The following ARL6 variants were observed in gnomAD, a reference collection of about 807,000 sequenced individuals.
ARL6 encodes the protein ARF like GTPase 6.
In ARL6, 18 loss-of-function variants were observed where a neutral mutation model predicts 27.1. The observed-to-expected ratio is 0.66, with a 90% CI of 0.46 to 0.98. ARL6 has a LOEUF of 0.98. Ranked by LOEUF, ARL6 falls within the 50% of genes least tolerant of loss-of-function variation. ARL6 has a pLI of 0.00. For synonymous variants in ARL6, 65 were observed against 72.3 expected (o/e 0.90, Z 0.51); for missense variants, 187 against 214.9 (o/e 0.87, Z 0.81).
intron 2 of ARL6, among the ~76,000 whole-genome samples, chr3:97,768,738 A>G (rs1402819444): frequency 1.3e-5 from 2 of 152,102 alleles, no homozygotes; most frequent in Non-Finnish European, 2.9e-5. Context: ...AAGAAAGCCT[A>G]TCTAATAGGG....
chr3:97,774,988 G>A (rs570383884), intron 2 of ARL6, among the ~76,000 whole-genome samples: 2 of 152,246 alleles, frequency 1.3e-5, no homozygotes, highest in South Asian at 2.1e-4. Context: ...TACCGCTCAC[G>A]AGCAGTGAAT....
chr3:97,770,030 A>AT (rs1211930989), intron 2 of ARL6, among the ~76,000 whole-genome samples: 5 of 151,886 alleles, frequency 3.3e-5, no homozygotes, highest in African/African-American at 4.8e-5. Context: ...ATTGATTTCC[A>AT]TTTTTTTGGA....
At position 97,780,652 on chromosome 3, in the gene ARL6, A is replaced by G; in HGVS notation, c.223A>G (p.Arg75Gly). The G allele has an allele frequency of 1.2e-6, 2 of 1,613,414 alleles. No homozygotes were observed. Among genetic ancestry groups the G allele is most frequent in the South Asian group, 2.2e-5 (2 of 91,048 alleles). ...FTVFDMSGQG[R>G]YRNLWEHYYK... ...AGTGTTTGACATGTCAGGTCAAGGA[A>G]GATACAGAAATCTCTGGGAACACTA... is the stretch of plus-strand genomic sequence containing the variant. Residue 75 changes from arginine to glycine, a missense_variant, in exon 4 of 8, where the codon AGA (arginine) becomes GGA (glycine). Transcript: ENST00000463745.
At chr3:97,797,703 T>C (rs970309510) in intron 7 of ARL6, among the ~76,000 whole-genome samples, 3 of 152,164 alleles carry the variant, frequency 2.0e-5, no homozygotes, top group African/African-American at 7.2e-5. Flanking sequence ...ATAGAACTAG[T>C]TGACTCTATG....
intron 4 of ARL6, among the ~76,000 whole-genome samples, chr3:97,782,589 C>G (rs1485071862): frequency 6.6e-6 from 1 of 151,782 alleles, no homozygotes; most frequent in African/African-American, 2.4e-5. Context: ...TGAGCCACTC[C>G]TGTGAGAATG....
intron 7 of ARL6, among the ~76,000 whole-genome samples, chr3:97,796,059 G>C (rs777077518): frequency 1.3e-5 from 2 of 152,100 alleles, no homozygotes; most frequent in Non-Finnish European, 2.9e-5. Flanking sequence ...CTAAAAGGAA[G>C]ACCATATTTG....
chr3:97,787,921 T>C (rs1224220764), intron 5 of ARL6, 69 bp from the exon 6 acceptor site: 2 of 1,553,870 alleles, frequency 1.3e-6, no homozygotes, highest in Admixed American at 1.7e-5. Context: ...TGGGTTTCAG[T>C]ACTAAAGATT....
At chr3:97,793,282 G>A (rs1223462168) in intron 7 of ARL6, 5 of 152,168 alleles carry the variant, frequency 3.3e-5, no homozygotes, top group Non-Finnish European at 5.9e-5. Flanking sequence ...AGAACTACGG[G>A]ATTTTTCTGT....
At chr3:97,793,687 C>T (rs1189301517) in intron 7 of ARL6, among the ~76,000 whole-genome samples, 3 of 152,086 alleles carry the variant, frequency 2.0e-5, no homozygotes, top group Non-Finnish European at 4.4e-5. Context: ...TTGTTTCTTT[C>T]ACTTTTCTGA....
chr3:97,796,451 T>A (rs908128050), intron 7 of ARL6, among the ~76,000 whole-genome samples: 10 of 151,624 alleles, frequency 6.6e-5, no homozygotes, highest in African/African-American at 2.2e-4. Flanking sequence ...AGACAAAGAA[T>A]AGAAAATTTG....
At chr3:97,784,140 G>A (rs1000834651) in intron 4 of ARL6, among the ~76,000 whole-genome samples, 1 of 151,706 alleles carries the variant, frequency 6.6e-6, no homozygotes, top group African/African-American at 2.4e-5. Context: ...TAACCTAAAA[G>A]TCCAGCAACA....
chr3:97,779,714 A>C (rs544530850), intron 2 of ARL6, among the ~76,000 whole-genome samples: 5 of 152,104 alleles, frequency 3.3e-5, no homozygotes, highest in African/African-American at 1.2e-4. Flanking sequence ...AAAATACAAA[A>C]AATTAGCCAG....
intron 6 of ARL6, among the ~76,000 whole-genome samples, chr3:97,789,322 G>A (rs987645544): frequency 6.6e-6 from 1 of 152,120 alleles, no homozygotes; most frequent in Non-Finnish European, 1.5e-5. Flanking sequence ...TCTTGAGCTA[G>A]AGCCTTTATA....
intron 6 of ARL6, among the ~76,000 whole-genome samples, chr3:97,791,519 T>C (rs1478145751): frequency 4.6e-5 from 7 of 152,226 alleles, no homozygotes; most frequent in African/African-American, 1.7e-4. Context: ...GTTTTGTTAA[T>C]GTCAGTGTAA....
chr3:97,777,809 C>G (rs1008942790), intron 2 of ARL6, among the ~76,000 whole-genome samples: 4 of 152,146 alleles, frequency 2.6e-5, no homozygotes, highest in African/African-American at 9.7e-5. Context: ...TTGTTCTACC[C>G]TAATTAATTT....
chr3:97,765,211 G>GGTGGGTGT (rs2036316516), intron 1 of ARL6, among the ~76,000 whole-genome samples: 1 of 105,536 alleles, frequency 9.5e-6, no homozygotes, highest in African/African-American at 2.9e-5. Flanking sequence ...GTGTATTGGG[G>GGTGGGTGT]GTGTGTGTGT....
At chr3:97,779,664 A>G (rs928309532) in intron 2 of ARL6, among the ~76,000 whole-genome samples, 5 of 152,110 alleles carry the variant, frequency 3.3e-5, no homozygotes, top group African/African-American at 1.2e-4. Context: ...TAGGAGATCG[A>G]GACCATCCTG....
rs376382475 is a variant in ARL6, at chr3:97,792,259, C to T, written c.535+433C>T. Among the ~76,000 whole-genome samples the T allele has an allele frequency of 6.7e-3, 1,015 of 152,092 alleles. 12 individuals are homozygous for T. The highest frequency in any genetic ancestry group is 0.024 in the African/African-American group (978 of 41,494). ...CTGTAATCCCAGCACTTTGGGAGGC[C>T]GAGGCAGGCGGATCATGAGGTCAGG... is the stretch of plus-strand genomic sequence containing the variant. On this transcript the variant is annotated intron_variant, in intron 7 of 7. Transcript: ENST00000463745.
intron 2 of ARL6, among the ~76,000 whole-genome samples, chr3:97,778,937 G>A (rs1322529712): frequency 6.6e-6 from 1 of 152,078 alleles, no homozygotes; most frequent in Non-Finnish European, 1.5e-5. Flanking sequence ...TAAAAAAAAG[G>A]GAGGAGTCAA....
Sources: allele counts gnomAD v4.1 joint callset (sites outside exome capture counted in the v4.1 genomes callset), GRCh38; gene constraint gnomAD v4.1.1; transcripts MANE v1.5; gene names NCBI Gene and HGNC (gene_info 2026-07-23, HGNC 2026-07-21).